ZNF804B: variants seen among roughly 807,000 people sequenced by gnomAD.
ZNF804B encodes the protein zinc finger protein 804B.
In ZNF804B, 80 loss-of-function variants were observed where a neutral mutation model predicts 101.4. The observed-to-expected ratio is 0.79, with a 90% confidence interval of 0.66 to 0.95. The LOEUF (loss-of-function observed/expected upper bound fraction) is 0.95. Ranked by LOEUF, ZNF804B falls within the 40% of genes least tolerant of loss-of-function variation. The pLI, the probability that ZNF804B is intolerant of heterozygous loss-of-function variation, is 0.00. For missense variants in ZNF804B, 1,673 were observed against 1,561.9 expected, an observed-to-expected ratio of 1.07 and a Z score of -1.20; for synonymous variants, 622 against 558.8, an observed-to-expected ratio of 1.11 and a Z score of -1.59.
At chr7:89,182,932 A>C (rs2115587499) in intron 1 of ZNF804B, among the ~76,000 whole-genome samples, 1 of 152,318 alleles carries the variant, frequency 6.6e-6, no homozygotes, top group East Asian at 1.9e-4. Flanking sequence ...ACTGGAATGA[A>C]TGCATTATCT....
intron 2 of ZNF804B, among the ~76,000 whole-genome samples, chr7:89,224,186 C>A (rs959890677): frequency 7.2e-5 from 11 of 151,928 alleles, no homozygotes; most frequent in African/African-American, 2.7e-4. Context: ...TAAAAAATAT[C>A]TTTAATAATA....
rs1336873934 is a variant in ZNF804B at position 89,235,782 on chromosome 7, T to C, written c.249+17487T>C. Among the ~76,000 whole-genome samples, 86 of 152,018 alleles carry C rather than the reference T, an allele frequency of 5.7e-4. 1 individual carries two copies. Among genetic ancestry groups the C allele is most frequent in the Non-Finnish European group, 1.5e-5 (1 of 67,932 alleles). On this transcript the variant is annotated intron_variant, in intron 2 of 3. Coordinates refer to ENST00000333190, the MANE Select transcript of ZNF804B (RefSeq NM_181646.5). ...CAATTTTTTTTTTTTCTGAGGAATG[T>C]AACAATTGACTAAACTGAAATGAAA...
intron 2 of ZNF804B, among the ~76,000 whole-genome samples, chr7:89,268,623 A>T (rs1789835536): frequency 6.6e-6 from 1 of 151,878 alleles, no homozygotes; most frequent in Non-Finnish European, 1.5e-5. Context: ...GCGCAAATTT[A>T]AGAGTCTTGT....
At chr7:89,311,278 A>C (rs968828909) in intron 2 of ZNF804B, among the ~76,000 whole-genome samples, 5 of 152,222 alleles carry the variant, frequency 3.3e-5, no homozygotes, top group African/African-American at 1.2e-4. Context: ...TAAGGAATTT[A>C]AAAGGTAGAT....
intron 1 of ZNF804B, among the ~76,000 whole-genome samples, chr7:88,897,802 C>G (rs1792312468): frequency 6.6e-6 from 1 of 151,896 alleles, no homozygotes; most frequent in Non-Finnish European, 1.5e-5. Flanking sequence ...TAAGCTGTCT[C>G]TATTGGAATC....
chr7:89,248,668 C>A (rs1021443756), intron 2 of ZNF804B, among the ~76,000 whole-genome samples: 4 of 151,950 alleles, frequency 2.6e-5, no homozygotes, highest in Admixed American at 2.6e-4. Context: ...AAGTACAATA[C>A]CTGCTACCAC....
At chr7:89,260,043 G>A (rs1789687829) in intron 2 of ZNF804B, among the ~76,000 whole-genome samples, 2 of 152,016 alleles carry the variant, frequency 1.3e-5, no homozygotes, top group South Asian at 4.1e-4. Flanking sequence ...AGAAAGAAAG[G>A]AAGGAAAGGA....
At chr7:89,112,070 C>T (rs960940752) in intron 1 of ZNF804B, among the ~76,000 whole-genome samples, 10 of 146,650 alleles carry the variant, frequency 6.8e-5, no homozygotes, top group African/African-American at 2.6e-4. Context: ...CATGCCACTG[C>T]GCTCCAGCCT....
intron 1 of ZNF804B, among the ~76,000 whole-genome samples, chr7:88,922,840 G>T (rs908528279): frequency 6.6e-6 from 1 of 151,802 alleles, no homozygotes; most frequent in South Asian, 2.1e-4. Flanking sequence ...TTAGTATAAT[G>T]ATTTCAATAT....
chr7:88,760,090 G>A lies in ZNF804B; in HGVS notation c.108+6G>A, dbSNP rs748200138. ...AGAACGGATCTCCCTCTCCGGTAAT[G>A]TGCGCGCGCACACACATACATACAC... On this transcript the variant is annotated splice_donor_region_variant and intron_variant, in intron 1 of 3. Coordinates refer to ENST00000333190, the MANE Select transcript of ZNF804B (RefSeq NM_181646.5). 1 of 1,611,534 alleles carries A rather than the reference G, an allele frequency of 6.2e-7. No individual in the cohort carries two copies. Among genetic ancestry groups the A allele is most frequent in the Non-Finnish European group, 8.5e-7 (1 of 1,177,624 alleles).
At chr7:89,156,044 C>A in intron 1 of ZNF804B, among the ~76,000 whole-genome samples, 1 of 82,862 alleles carries the variant, frequency 1.2e-5, no homozygotes, top group Non-Finnish European at 2.8e-5. Flanking sequence ...TTCTTTCTTT[C>A]TTTCTTTCTT....
intron 2 of ZNF804B, among the ~76,000 whole-genome samples, chr7:89,295,551 G>A (rs572801445): frequency 9.9e-4 from 150 of 151,756 alleles, no homozygotes; most frequent in Middle Eastern, 6.8e-3. Context: ...TCTGCTAATG[G>A]TACTCTTTTG....
chr7:88,910,688 TCTG>T (rs1489445181), intron 1 of ZNF804B, among the ~76,000 whole-genome samples: 1 of 151,944 alleles, frequency 6.6e-6, no homozygotes, highest in Non-Finnish European at 1.5e-5. Context: ...GAATGTTTCA[TCTG>T]CTCTCTACCT....
intron 1 of ZNF804B, among the ~76,000 whole-genome samples, chr7:89,008,962 A>G (rs1331034795): frequency 1.3e-5 from 2 of 151,998 alleles, no homozygotes; most frequent in Non-Finnish European, 1.5e-5. Context: ...TAGATTAGCT[A>G]CCCTTCTCAC....
rs192658954 is a variant in ZNF804B at position 89,172,043 on chromosome 7, G to A, written c.109-46112G>A. Among the ~76,000 whole-genome samples the A allele has an allele frequency of 3.5e-3, 532 of 152,168 alleles. 5 individuals carry two copies. The highest frequency in any genetic ancestry group is 0.012 in the African/African-American group (506 of 41,514). ...AAGTAAGGGGTGACTGGCAAAAGAT[G>A]TCATGGTCTCATCAAACCCTGTAGC... On this transcript the variant is annotated intron_variant, in intron 1 of 3. Transcript: ENST00000333190.
At chr7:89,149,493 C>A (rs1790838698) in intron 1 of ZNF804B, among the ~76,000 whole-genome samples, 3 of 151,920 alleles carry the variant, frequency 2.0e-5, no homozygotes, top group South Asian at 4.1e-4. Context: ...TATTTTACTT[C>A]TTTGAAAGTA....
At chr7:89,152,400 GA>G (rs1380501638) in intron 1 of ZNF804B, among the ~76,000 whole-genome samples, 2 of 151,986 alleles carry the variant, frequency 1.3e-5, no homozygotes, top group South Asian at 2.1e-4. Flanking sequence ...ACAGTTGTCA[GA>G]AGTTTAGAAA....
intron 1 of ZNF804B, among the ~76,000 whole-genome samples, chr7:89,118,566 T>C (rs976094481): frequency 6.6e-6 from 1 of 151,472 alleles, no homozygotes; most frequent in African/African-American, 2.4e-5. Flanking sequence ...GTATAATGAG[T>C]TTTTCACAAG....
At chr7:89,238,098 A>G (rs1236375242) in intron 2 of ZNF804B, among the ~76,000 whole-genome samples, 1 of 152,126 alleles carries the variant, frequency 6.6e-6, no homozygotes, top group Admixed American at 6.6e-5. Flanking sequence ...ATAATAGAGC[A>G]AGGGGTTTTC....
Sources: gnomAD v4.1 joint callset for allele counts (sites outside exome capture counted in the v4.1 genomes callset) on GRCh38, gnomAD v4.1.1 for gene constraint, MANE v1.5 for transcripts, NCBI Gene and HGNC (gene_info 2026-07-23, HGNC 2026-07-21) for gene names.